The following DCDC2C variants were observed in gnomAD, a reference collection of about 807,000 sequenced individuals.
DCDC2C encodes the protein doublecortin domain containing 2C, also known as doublecortin domain-containing protein 2C.
Under a neutral mutation model 45.0 loss-of-function variants are expected in DCDC2C, and 44 were observed. That is an observed-to-expected ratio of 0.98 (90% CI 0.77 to 1.26). The LOEUF (loss-of-function observed/expected upper bound fraction) is 1.26. Among genes scored for constraint, DCDC2C ranks in the 50% most tolerant of loss-of-function variants. The probability of loss-of-function intolerance (pLI) is 0.00; values close to 1 mark genes in which losing one functional copy is unlikely to be tolerated. For synonymous variants in DCDC2C, 187 were observed against 178.8 expected, an observed-to-expected ratio of 1.05 and a Z score of -0.37; for missense variants, 447 against 468.9, an observed-to-expected ratio of 0.95 and a Z score of 0.43.
intron 10 of DCDC2C, among the ~76,000 whole-genome samples, chr2:3,798,218 G>T (rs925499712): frequency 2.0e-5 from 3 of 151,924 alleles, no homozygotes; most frequent in Non-Finnish European, 4.4e-5. Flanking sequence ...TTTTCCATTT[G>T]CTTGGTAGAT....
chr2:3,836,695 G>T (rs1672083124), intron 10 of DCDC2C, among the ~76,000 whole-genome samples: 1 of 152,042 alleles, frequency 6.6e-6, no homozygotes, highest in Admixed American at 6.5e-5. Flanking sequence ...ACCCTGTCTT[G>T]ACTAAAAATA....
At chr2:3,809,222 T>G (rs1000847235) in intron 10 of DCDC2C, among the ~76,000 whole-genome samples, 2 of 152,240 alleles carry the variant, frequency 1.3e-5, no homozygotes, top group South Asian at 4.1e-4. Flanking sequence ...ATTTCAGATC[T>G]TTTGCTTTTA....
chr2:3,739,614 A>G (rs954879031), intron 3 of DCDC2C, among the ~76,000 whole-genome samples: 5 of 152,240 alleles, frequency 3.3e-5, no homozygotes, highest in African/African-American at 1.2e-4. Context: ...TGGGGTTCCG[A>G]GAGGCCTGAC....
At chr2:3,776,489 G>A (rs1005023790) in intron 8 of DCDC2C, among the ~76,000 whole-genome samples, 1 of 152,258 alleles carries the variant, frequency 6.6e-6, no homozygotes, top group African/African-American at 2.4e-5. Flanking sequence ...TGGCGCTCCC[G>A]GCCACTCGCT....
chr2:3,839,286 CTT>C (rs1406149402), intron 10 of DCDC2C, among the ~76,000 whole-genome samples: 3 of 152,212 alleles, frequency 2.0e-5, no homozygotes, highest in Non-Finnish European at 2.9e-5. Flanking sequence ...GGGTTTCTAA[CTT>C]TTCACAAACT....
intron 10 of DCDC2C, among the ~76,000 whole-genome samples, chr2:3,809,490 A>G (rs561482787): frequency 6.6e-6 from 1 of 152,344 alleles, no homozygotes; most frequent in East Asian, 1.9e-4. Context: ...GCTATTGTAC[A>G]TGGCACTTAA....
intron 10 of DCDC2C, among the ~76,000 whole-genome samples, chr2:3,846,553 A>G (rs1195463784): frequency 6.6e-6 from 1 of 152,202 alleles, no homozygotes. Flanking sequence ...AAATGGAATT[A>G]AACACTCTGA....
chr2:3,834,145 A>G (rs575314366), intron 10 of DCDC2C, among the ~76,000 whole-genome samples: 2 of 136,160 alleles, frequency 1.5e-5, no homozygotes, highest in Non-Finnish European at 3.0e-5. Context: ...AGCATCTCCT[A>G]CCAGAGTGGT....
In DCDC2C at chr2:3,811,188, G is replaced by A. The variant is rs563625040; in HGVS notation, c.1065+26088G>A. Among the ~76,000 whole-genome samples, 10 of 152,228 alleles carry A rather than the reference G, an allele frequency of 6.6e-5. No homozygotes were observed. In the South Asian group the frequency reaches 1.5e-3, roughly 22 times the overall value. ...CTTTGGGCAGTATGGCCATTTTCACGATATTGATTCTTCCTGTCCATGAGA... is the reference window on the plus strand; with the variant it reads ...CTTTGGGCAGTATGGCCATTTTCACAATATTGATTCTTCCTGTCCATGAGA... On this transcript the variant is annotated intron_variant, in intron 10 of 10. Coordinates refer to ENST00000399143, the MANE Select transcript of DCDC2C (RefSeq NM_001287444.2).
chr2:3,801,175 C>T (rs1190394065), intron 10 of DCDC2C, among the ~76,000 whole-genome samples: 1 of 152,254 alleles, frequency 6.6e-6, no homozygotes, highest in Non-Finnish European at 1.5e-5. Flanking sequence ...CGCATCCCAG[C>T]AGGACTCACT....
At position 3,778,850 on chromosome 2, in the gene DCDC2C, T is replaced by G. The variant is rs1305628973; in HGVS notation, c.989T>G (p.Ile330Arg). The change falls in exon 9 of 11, where the codon ATA (isoleucine) becomes AGA (arginine). Residue 330 changes from isoleucine (I) to arginine (R), a missense_variant. Coordinates refer to ENST00000399143, the MANE Select transcript of DCDC2C (RefSeq NM_001287444.2). ...GAGATAGTTAAAGAAGATGAAGAGA[T>G]ACATGAGAACACCCCTGATTTTGAG... ...QAEIVKEDEE[I>R]HENTPDFEGN... is the part of the protein sequence containing the mutation. 1 of 1,551,098 alleles carries G rather than the reference T, an allele frequency of 6.4e-7. No homozygotes were observed. The highest frequency in any genetic ancestry group is 1.4e-5 in the African/African-American group (1 of 73,156).
chr2:3,733,733 C>G (rs1248795024), intron 3 of DCDC2C, among the ~76,000 whole-genome samples: 1 of 152,144 alleles, frequency 6.6e-6, no homozygotes, highest in East Asian at 1.9e-4. Flanking sequence ...TGAACCTAAG[C>G]CCCCTCGTGA....
At chr2:3,739,670 G>A (rs1224019059) in intron 3 of DCDC2C, among the ~76,000 whole-genome samples, 1 of 152,240 alleles carries the variant, frequency 6.6e-6, no homozygotes, top group African/African-American at 2.4e-5. Flanking sequence ...TCTGCTGAGA[G>A]CTACGTCCAC....
chr2:3,811,755 T>G (rs769444131), intron 10 of DCDC2C, among the ~76,000 whole-genome samples: 1 of 152,350 alleles, frequency 6.6e-6, no homozygotes, highest in African/African-American at 2.4e-5. Flanking sequence ...ATATGCTCCA[T>G]CAATACCTTG....
At chr2:3,828,396 C>T (rs1572646029) in intron 10 of DCDC2C, among the ~76,000 whole-genome samples, 1 of 152,212 alleles carries the variant, frequency 6.6e-6, no homozygotes, top group East Asian at 1.9e-4. Context: ...GGGCTTGCCT[C>T]ATCATGTCAG....
rs992438770 is a variant in DCDC2C, at chr2:3,703,652, T to C, written c.-100T>C. 4.1e-5 allele frequency: 46 copies of C among 1,133,880 alleles called. No homozygotes were observed. Among genetic ancestry groups the C allele is most frequent in the Non-Finnish European group, 4.9e-5 (44 of 905,654 alleles). The allele number at this position is 1,133,880 out of a possible 1,614,324, so 70.2% of individuals were successfully genotyped here. On this transcript the variant is annotated 5_prime_UTR_variant, in exon 1 of 11. Coordinates refer to ENST00000399143, the MANE Select transcript of DCDC2C (RefSeq NM_001287444.2). This position sits in a 1 kb window ranked among gnomAD's most constrained non-coding sequence, Gnocchi z 4.4. ...CCTGCGCCAGCGGCTGGAGCGGACC[T>C]CCCGTCGGCGGTGCCCGGGCCTGGG... is the stretch of plus-strand genomic sequence containing the variant.
chr2:3,705,102 A>G (rs979165902), intron 1 of DCDC2C, among the ~76,000 whole-genome samples: 1 of 152,220 alleles, frequency 6.6e-6, no homozygotes, highest in African/African-American at 2.4e-5. Flanking sequence ...TCCGTTCAAA[A>G]ATGCTCTGAA....
chr2:3,793,898 G>A (rs1158925436), intron 10 of DCDC2C, among the ~76,000 whole-genome samples: 1 of 152,176 alleles, frequency 6.6e-6, no homozygotes, highest in Non-Finnish European at 1.5e-5. Flanking sequence ...TTCTATTTTT[G>A]CTTGTGATGT....
At chr2:3,802,660 T>C (rs1351344101) in intron 10 of DCDC2C, among the ~76,000 whole-genome samples, 1 of 152,204 alleles carries the variant, frequency 6.6e-6, no homozygotes, top group Non-Finnish European at 1.5e-5. Context: ...AAATCAGCTC[T>C]CTGGGGTCTC....
Sources: gnomAD v4.1 joint callset for allele counts (sites outside exome capture counted in the v4.1 genomes callset) on GRCh38, gnomAD v4.1.1 for gene constraint, Gnocchi (gnomAD v3.1) non-coding constraint, MANE v1.5 for transcripts, NCBI Gene and HGNC (gene_info 2026-07-23, HGNC 2026-07-21) for gene names.